Variants in NTRK3 observed in about 807,000 individuals in gnomAD.
The protein encoded by NTRK3 is neurotrophic receptor tyrosine kinase 3, also known as NT-3 growth factor receptor.
In NTRK3, 24 loss-of-function variants were observed where a neutral mutation model predicts 91.7. That is an observed-to-expected ratio of 0.26 (90% CI 0.19 to 0.37). The LOEUF (loss-of-function observed/expected upper bound fraction) is 0.37, where lower values mean the gene tolerates loss of function less well. Among genes scored for constraint, NTRK3 ranks in the 10% least tolerant of loss-of-function variants. The pLI is 1.00. For missense variants in NTRK3, 880 were observed against 1,068.9 expected (o/e 0.82, Z 2.46); for synonymous variants, 483 against 404.0 (o/e 1.20, Z -2.34).
At chr15:88,131,228 C>T (rs1286413040) in intron 10 of NTRK3, among the ~76,000 whole-genome samples, 1 of 152,226 alleles carries the variant, frequency 6.6e-6, no homozygotes, top group East Asian at 1.9e-4. Context: ...CCTCAGCCCA[C>T]CATGCCCTGA....
chr15:87,921,698 A>G (rs1160261299), intron 17 of NTRK3, among the ~76,000 whole-genome samples: 1 of 152,048 alleles, frequency 6.6e-6, no homozygotes, highest in Non-Finnish European at 1.5e-5. Flanking sequence ...AGCTTGTCTG[A>G]TTTTGGGGAC....
intron 3 of NTRK3, among the ~76,000 whole-genome samples, chr15:88,186,849 C>T (rs908287734): frequency 2.0e-5 from 3 of 152,114 alleles, no homozygotes; most frequent in African/African-American, 7.2e-5. Context: ...CGACTCCTGC[C>T]CTAGGAGCTG....
chr15:88,050,963 T>C (rs1279398108), intron 13 of NTRK3, among the ~76,000 whole-genome samples: 2 of 152,206 alleles, frequency 1.3e-5, no homozygotes, highest in East Asian at 3.8e-4. Context: ...TATAATATTT[T>C]CCATGGGTCT....
chr15:87,926,780 T>C (rs2068347093), intron 17 of NTRK3: 2 of 152,228 alleles, frequency 1.3e-5, no homozygotes. Context: ...AGACATAGTT[T>C]CCTGAGACTC....
chr15:87,898,427 C>G (rs1396243171), intron 17 of NTRK3, among the ~76,000 whole-genome samples: 5 of 152,040 alleles, frequency 3.3e-5, no homozygotes, highest in African/African-American at 1.2e-4. Context: ...AGGCTGTTTA[C>G]AAAAGCGGGG....
At chr15:88,207,680 C>T (rs1423206381) in intron 3 of NTRK3, among the ~76,000 whole-genome samples, 1 of 152,108 alleles carries the variant, frequency 6.6e-6, no homozygotes, top group South Asian at 2.1e-4. Flanking sequence ...CTGCTGCAGG[C>T]AAAAGAAGCA....
intron 17 of NTRK3, among the ~76,000 whole-genome samples, chr15:87,917,054 G>A (rs929639288): frequency 5.9e-5 from 9 of 152,132 alleles, no homozygotes; most frequent in East Asian, 3.8e-4. Flanking sequence ...ACAAACCACC[G>A]CACCTGGCCA....
exon 19 of NTRK3, chr15:87,870,750 G>GA: frequency 4.5e-6 from 1 of 223,506 alleles, no homozygotes; most frequent in Non-Finnish European, 8.9e-6. Context: ...ATACTAAACT[G>GA]AAAAGCAAGA....
intron 5 of NTRK3, among the ~76,000 whole-genome samples, chr15:88,179,820 A>C (rs1485937368): frequency 6.6e-6 from 1 of 152,216 alleles, no homozygotes; most frequent in African/African-American, 2.4e-5. Context: ...AGAGGCCTAC[A>C]TACAGTCTAG....
intron 13 of NTRK3, among the ~76,000 whole-genome samples, chr15:88,073,839 G>A (rs1343930619): frequency 6.6e-6 from 1 of 151,804 alleles, no homozygotes; most frequent in Admixed American, 6.5e-5. Flanking sequence ...GGCAAGACAG[G>A]GGTGTTCATG....
intron 5 of NTRK3, among the ~76,000 whole-genome samples, chr15:88,181,333 C>T (rs2046436984): frequency 6.6e-6 from 1 of 152,090 alleles, no homozygotes; most frequent in Non-Finnish European, 1.5e-5. Flanking sequence ...CTCAGCAGAC[C>T]CCATATCATT....
intron 17 of NTRK3, among the ~76,000 whole-genome samples, chr15:87,895,282 T>C (rs1397793596): frequency 6.6e-6 from 1 of 152,204 alleles, no homozygotes; most frequent in African/African-American, 2.4e-5. Context: ...TACTATAGCA[T>C]ACATACACAA....
chr15:87,978,274 G>T, intron 14 of NTRK3: 1 of 230,844 alleles, frequency 4.3e-6, no homozygotes, highest in Non-Finnish European at 8.6e-6. Flanking sequence ...GTCAAAGCAA[G>T]CAAAGTAAAC....
At chr15:88,049,781 A>G (rs2080627392) in intron 13 of NTRK3, among the ~76,000 whole-genome samples, 1 of 152,222 alleles carries the variant, frequency 6.6e-6, no homozygotes, top group Non-Finnish European at 1.5e-5. Flanking sequence ...TCATTAACCA[A>G]TTGAAAGAGA....
intron 17 of NTRK3, among the ~76,000 whole-genome samples, chr15:87,888,532 C>A (rs879382419): frequency 6.6e-6 from 1 of 152,156 alleles, no homozygotes; most frequent in Non-Finnish European, 1.5e-5. Context: ...GAACTCTGAA[C>A]CTTCCCTGTA....
rs769768195 is a variant in NTRK3, at chr15:87,940,650, G to C, written c.1689C>G (p.Thr563=). 5 of 1,614,032 alleles carry C rather than the reference G, an allele frequency of 3.1e-6. No homozygotes were observed. In the South Asian group the frequency reaches 4.4e-5, roughly 14 times the overall value. Reference sequence around the variant, plus strand: ...TCACAGCCACAAGCATCTTGTCCTTGGTCGGGCTGAGGTTGTAGCACTCGG... The same window carrying C: ...TCACAGCCACAAGCATCTTGTCCTTCGTCGGGCTGAGGTTGTAGCACTCGG... The change falls in exon 15 of 19, where the codon ACC becomes ACG. Residue 563 remains threonine, a synonymous_variant. Transcript: ENST00000394480.
intron 13 of NTRK3, among the ~76,000 whole-genome samples, chr15:88,118,684 G>A (rs578110820): frequency 6.6e-6 from 1 of 152,332 alleles, no homozygotes; most frequent in East Asian, 1.9e-4. Flanking sequence ...TTCCTAAGGT[G>A]TAAAATTACT....
intron 3 of NTRK3, among the ~76,000 whole-genome samples, chr15:88,196,345 A>T (rs1399913558): frequency 6.6e-6 from 1 of 152,190 alleles, no homozygotes; most frequent in East Asian, 1.9e-4. Flanking sequence ...CGTGCACAGC[A>T]AGCCGGGATG....
At chr15:87,935,993 C>T (rs1339762247) in intron 15 of NTRK3, among the ~76,000 whole-genome samples, 1 of 152,172 alleles carries the variant, frequency 6.6e-6, no homozygotes, top group Non-Finnish European at 1.5e-5. Context: ...TGGGAGCTGC[C>T]AGTGGCCCTG....
Sources: allele counts gnomAD v4.1 joint callset (sites outside exome capture counted in the v4.1 genomes callset), GRCh38; gene constraint gnomAD v4.1.1; transcripts MANE v1.5; gene names NCBI Gene and HGNC (gene_info 2026-07-23, HGNC 2026-07-21).